Variants in NCAM2 observed in about 807,000 individuals in gnomAD.
The protein encoded by NCAM2 is neural cell adhesion molecule 2, also known as N-CAM-2.
In NCAM2, 30 loss-of-function variants were observed where a neutral mutation model predicts 98.1. The observed-to-expected ratio is 0.31, with a 90% CI of 0.23 to 0.41. NCAM2 has a LOEUF of 0.41. Ranked by LOEUF, NCAM2 falls within the 10% of genes least tolerant of loss-of-function variation. The pLI, the probability that NCAM2 is intolerant of heterozygous loss-of-function variation, is 1.00. For synonymous variants in NCAM2, 368 were observed against 342.4 expected, an observed-to-expected ratio of 1.07 and a Z score of -0.83; for missense variants, 867 against 1,005.8, an observed-to-expected ratio of 0.86 and a Z score of 1.87.
In NCAM2 at chr21:21,361,227, TACAC is replaced by T. The variant is rs143161852; in HGVS notation, c.1045-12624_1045-12621del. ...TTAAAGCTATTCTTATTTCTCTTGA[TACAC>T]ACACACACACAAACACATACACATC... On this transcript the variant is annotated intron_variant, in intron 8 of 17. Coordinates refer to ENST00000400546, the MANE Select transcript of NCAM2 (RefSeq NM_004540.5). 4.0e-5 allele frequency among the ~76,000 whole-genome samples: 6 copies of T among 151,560 alleles called. No individual in the cohort carries two copies. In the East Asian group the frequency reaches 1.2e-3, roughly 29 times the overall value.
intron 1 of NCAM2, among the ~76,000 whole-genome samples, chr21:21,205,422 A>T (rs1004400846): frequency 1.3e-5 from 2 of 151,974 alleles, no homozygotes; most frequent in Non-Finnish European, 2.9e-5. Context: ...GGGCATTCTG[A>T]TGTATATTAT....
chr21:21,194,456 G>A (rs1348003811), intron 1 of NCAM2, among the ~76,000 whole-genome samples: 2 of 152,032 alleles, frequency 1.3e-5, no homozygotes, highest in African/African-American at 4.8e-5. Context: ...TGAAAACCTA[G>A]ATAAATGGAC....
chr21:21,487,507 A>G (rs1023154025), intron 15 of NCAM2, among the ~76,000 whole-genome samples: 4 of 152,118 alleles, frequency 2.6e-5, no homozygotes, highest in South Asian at 2.1e-4. Context: ...ATATATGTCT[A>G]TGTCCAATGG....
intron 1 of NCAM2, among the ~76,000 whole-genome samples, chr21:21,044,479 T>C (rs891872499): frequency 6.6e-6 from 1 of 152,218 alleles, no homozygotes; most frequent in Admixed American, 6.5e-5. Context: ...TTCATTATTA[T>C]AATTCAGAAT....
intron 1 of NCAM2, among the ~76,000 whole-genome samples, chr21:21,125,412 T>TGTACATATATATGTAATATATAATATA: frequency 1.2e-5 from 1 of 84,918 alleles, no homozygotes; most frequent in Admixed American, 1.6e-4. Context: ...TATATAATAT[T>TGTACATATATATGTAATATATAATATA]TTACATATAT....
At chr21:21,273,097 C>G (rs2072590213) in intron 1 of NCAM2, among the ~76,000 whole-genome samples, 1 of 151,938 alleles carries the variant, frequency 6.6e-6, no homozygotes, top group Non-Finnish European at 1.5e-5. Context: ...TGAGAAGGAC[C>G]AAACAAATGG....
chr21:21,008,066 T>G (rs2064142801), intron 1 of NCAM2, among the ~76,000 whole-genome samples: 2 of 152,212 alleles, frequency 1.3e-5, no homozygotes, highest in Admixed American at 1.3e-4. Flanking sequence ...TTTGTAAGTA[T>G]CATGCATGAG....
chr21:21,289,668 C>A (rs2073225256), intron 4 of NCAM2, among the ~76,000 whole-genome samples: 2 of 151,824 alleles, frequency 1.3e-5, no homozygotes, highest in South Asian at 4.1e-4. Flanking sequence ...GTAAATCTAA[C>A]TAGGATTTTT....
chr21:21,510,074 C>T (rs1223243136), intron 16 of NCAM2, among the ~76,000 whole-genome samples: 3 of 152,064 alleles, frequency 2.0e-5, no homozygotes, highest in Non-Finnish European at 1.5e-5. Context: ...GCTATTTTGT[C>T]ATATGTTTAT....
At chr21:21,219,806 G>T (rs1203626712) in intron 1 of NCAM2, among the ~76,000 whole-genome samples, 1 of 152,126 alleles carries the variant, frequency 6.6e-6, no homozygotes. Context: ...GCTTGTTATT[G>T]CCCCTGAAGA....
At chr21:21,203,979 A>G (rs2069338229) in intron 1 of NCAM2, among the ~76,000 whole-genome samples, 1 of 152,110 alleles carries the variant, frequency 6.6e-6, no homozygotes, top group Admixed American at 6.6e-5. Flanking sequence ...CTTATTAATG[A>G]ACAAATCACT....
chr21:21,279,802 G>T (rs1406790050), intron 1 of NCAM2, among the ~76,000 whole-genome samples: 1 of 152,142 alleles, frequency 6.6e-6, no homozygotes, highest in Non-Finnish European at 1.5e-5. Context: ...TTGACCTCTT[G>T]CAGCTTTGTC....
chr21:21,042,825 T>C (rs1601182929), intron 1 of NCAM2, among the ~76,000 whole-genome samples: 1 of 152,192 alleles, frequency 6.6e-6, no homozygotes, highest in Non-Finnish European at 1.5e-5. Context: ...TGTCCTTGAT[T>C]AATAGGCTTA....
chr21:21,032,765 A>G (rs2064712251), intron 1 of NCAM2, among the ~76,000 whole-genome samples: 1 of 152,162 alleles, frequency 6.6e-6, no homozygotes, highest in Non-Finnish European at 1.5e-5. Flanking sequence ...CTTATTTGTT[A>G]AGGTACATTA....
intron 1 of NCAM2, among the ~76,000 whole-genome samples, chr21:21,047,061 G>A (rs55880255): frequency 1 from 152,236 of 152,240 alleles, 76,116 homozygotes; most frequent in Middle Eastern, 1. Context: ...TTTTTTTTGA[G>A]AGGGGTGTGT....
chr21:21,236,993 T>C (rs73316771), intron 1 of NCAM2, among the ~76,000 whole-genome samples: 2 of 152,154 alleles, frequency 1.3e-5, no homozygotes, highest in African/African-American at 4.8e-5. Flanking sequence ...TGTCTTTTTA[T>C]TTTCCTTAAG....
At chr21:21,039,676 G>C (rs575443693) in intron 1 of NCAM2, among the ~76,000 whole-genome samples, 1 of 152,088 alleles carries the variant, frequency 6.6e-6, no homozygotes, top group African/African-American at 2.4e-5. Flanking sequence ...TGGATTTTTC[G>C]TGTGTGAAAA....
At chr21:21,280,512 C>A in intron 1 of NCAM2, 66 bp from the exon 2 acceptor site, 1 of 1,088,172 alleles carries the variant, frequency 9.2e-7, no homozygotes, top group South Asian at 1.4e-5. Flanking sequence ...GTTTAGACAT[C>A]ATGCATTAAA....
At chr21:21,536,655 G>T (rs1380363410) in intron 17 of NCAM2, among the ~76,000 whole-genome samples, 1 of 152,066 alleles carries the variant, frequency 6.6e-6, no homozygotes, top group African/African-American at 2.4e-5. Flanking sequence ...CTCCCAAAGT[G>T]CTAGGATTAG....
Sources: allele counts gnomAD v4.1 joint callset (sites outside exome capture counted in the v4.1 genomes callset), GRCh38; gene constraint gnomAD v4.1.1; transcripts MANE v1.5; gene names NCBI Gene and HGNC (gene_info 2026-07-23, HGNC 2026-07-21).